DSCAML1: variants seen among roughly 807,000 people sequenced by gnomAD.
The protein encoded by DSCAML1 is cell adhesion molecule DSCAML1.
A neutral mutation model predicts 200.5 loss-of-function variants in DSCAML1; 38 were observed. That is an observed-to-expected ratio of 0.19 (90% CI 0.15 to 0.25). DSCAML1 has a LOEUF of 0.25. DSCAML1 is among the 10% of genes least tolerant of loss of function. The pLI is 1.00. For missense variants in DSCAML1, 2,223 were observed against 2,858.8 expected, an observed-to-expected ratio of 0.78 and a Z score of 5.07; for synonymous variants, 1,215 against 1,165.0, an observed-to-expected ratio of 1.04 and a Z score of -0.87.
intron 3 of DSCAML1, among the ~76,000 whole-genome samples, chr11:117,610,846 C>CG (rs1227046993): frequency 6.7e-6 from 1 of 148,964 alleles, no homozygotes; most frequent in African/African-American, 2.5e-5. Context: ...AACAACCCCC[C>CG]CCCCCCACAA....
intron 3 of DSCAML1, among the ~76,000 whole-genome samples, chr11:117,560,288 A>C (rs1444036025): frequency 1.3e-5 from 2 of 152,150 alleles, no homozygotes; most frequent in East Asian, 3.9e-4. Context: ...TTTAATCAGC[A>C]CAGCAACTTC....
chr11:117,746,050 T>TA (rs879883699), intron 3 of DSCAML1, among the ~76,000 whole-genome samples: 1,628 of 139,708 alleles, frequency 0.012, 26 homozygotes, highest in African/African-American at 0.036. Flanking sequence ...CTGTCTCTAC[T>TA]AAAAAAAAAA....
chr11:117,769,222 TTGTATATATTA>T (rs2054964072), intron 3 of DSCAML1, among the ~76,000 whole-genome samples: 2 of 28,716 alleles, frequency 7.0e-5, no homozygotes, highest in Non-Finnish European at 1.9e-4. Context: ...TTTATATATA[TTGTATATATTA>T]TATATTTTAT....
chr11:117,438,634 T>A (rs1442124382), intron 24 of DSCAML1, among the ~76,000 whole-genome samples: 1 of 152,066 alleles, frequency 6.6e-6, no homozygotes, highest in Non-Finnish European at 1.5e-5. Context: ...AAACCCAGAC[T>A]CAGAGAGGGA....
rs1366642307 is a variant in DSCAML1 at position 117,480,319 on chromosome 11, G to T, written c.2785+124C>A. The T allele has an allele frequency of 1.4e-6, 2 of 1,421,688 alleles. No homozygotes were observed. The highest frequency in any genetic ancestry group is 1.4e-5 in the African/African-American group (1 of 70,850). 88.1% of individuals were successfully genotyped at this position (1,421,688 alleles called of 1,614,324 possible). ...GCTGCTTGTGCACTGGTGGGTGCTT[G>T]TGTGTCTAGCTTGGATGGGCAGCCC... On this transcript the variant is annotated intron_variant, in intron 14 of 32. Coordinates refer to ENST00000651296, the MANE Select transcript of DSCAML1 (RefSeq NM_020693.4). The surrounding 1 kb of genome is among the most constrained non-coding windows in gnomAD (Gnocchi z 4.1).
At chr11:117,468,403 G>A (rs1451302664) in intron 16 of DSCAML1, among the ~76,000 whole-genome samples, 3 of 152,014 alleles carry the variant, frequency 2.0e-5, no homozygotes, top group African/African-American at 4.8e-5. Context: ...TTTTCATTAT[G>A]AGACTTTGGA....
rs2048898355 is a variant in DSCAML1, at chr11:117,480,762, T to G, written c.2657-191A>C. On this transcript the variant is annotated intron_variant, in intron 13 of 32. Coordinates refer to ENST00000651296, the MANE Select transcript of DSCAML1 (RefSeq NM_020693.4). The surrounding 1 kb of genome is among the most constrained non-coding windows in gnomAD (Gnocchi z 4.1). ...TGAGGAGGCCTGGCTTGCTCTCCTG[T>G]CTTGCTGCCATCTTGTTCTTGGCCT... Among the ~76,000 whole-genome samples the G allele has an allele frequency of 6.6e-6, 1 of 152,086 alleles. No homozygotes were observed. The highest frequency in any genetic ancestry group is 1.5e-5 in the Non-Finnish European group (1 of 67,990).
intron 3 of DSCAML1, among the ~76,000 whole-genome samples, chr11:117,543,314 CACTGGCTTGTGAACCTGT>C (rs1329159664): frequency 1.3e-5 from 2 of 152,080 alleles, no homozygotes; most frequent in Non-Finnish European, 2.9e-5. Flanking sequence ...TGTGTACCTG[CACTGGCTTGTGAACCTGT>C]GCTCGTGTGT....
At chr11:117,490,792 G>T (rs1208223079) in intron 11 of DSCAML1, among the ~76,000 whole-genome samples, 1 of 152,234 alleles carries the variant, frequency 6.6e-6, no homozygotes, top group Non-Finnish European at 1.5e-5. Flanking sequence ...GCCTTCTCCT[G>T]TGTAGGTTTT....
chr11:117,478,861 A>G (rs547602599), intron 14 of DSCAML1, among the ~76,000 whole-genome samples: 7 of 151,990 alleles, frequency 4.6e-5, no homozygotes, highest in African/African-American at 1.7e-4. Context: ...TTCCTGGACA[A>G]CCCCTGTTGG....
At chr11:117,628,067 T>G (rs1449320153) in intron 3 of DSCAML1, among the ~76,000 whole-genome samples, 2 of 152,198 alleles carry the variant, frequency 1.3e-5, no homozygotes, top group East Asian at 3.9e-4. Context: ...ACACATTGCA[T>G]TTCAACCTTA....
intron 3 of DSCAML1, among the ~76,000 whole-genome samples, chr11:117,582,684 AG>A (rs1203757522): frequency 6.6e-6 from 1 of 152,140 alleles, no homozygotes; most frequent in East Asian, 1.9e-4. Context: ...GAATATCCGC[AG>A]GGCCCTGCCA....
chr11:117,651,888 A>G (rs1208926710), intron 3 of DSCAML1, among the ~76,000 whole-genome samples: 1 of 152,186 alleles, frequency 6.6e-6, no homozygotes, highest in Non-Finnish European at 1.5e-5. Context: ...TCAGGGAAAC[A>G]GCGGGGATGA....
At chr11:117,691,732 C>A (rs1591405310) in intron 3 of DSCAML1, among the ~76,000 whole-genome samples, 1 of 152,256 alleles carries the variant, frequency 6.6e-6, no homozygotes, top group South Asian at 2.1e-4. Flanking sequence ...ACTACATGTT[C>A]AGAAAAAGGA....
chr11:117,758,439 T>C (rs2054736640), intron 3 of DSCAML1, among the ~76,000 whole-genome samples: 4 of 151,964 alleles, frequency 2.6e-5, no homozygotes, highest in Admixed American at 2.6e-4. Context: ...TCTCGCTCTG[T>C]TGCCCAGGCT....
rs545072073 is a variant in DSCAML1, at chr11:117,780,167, G to C, written c.364+326C>G. On this transcript the variant is annotated intron_variant, in intron 2 of 32. Coordinates refer to ENST00000651296, the MANE Select transcript of DSCAML1 (RefSeq NM_020693.4). This position sits in a 1 kb window ranked among gnomAD's most constrained non-coding sequence, Gnocchi z 4.8. ...AGAGAGAGAGAGAGAGAGAAAGAAA[G>C]AAAGAAAAAAAGAAAAAAAGAAAGA... Among the ~76,000 whole-genome samples, 1 of 118,966 alleles carries C rather than the reference G, an allele frequency of 8.4e-6. No individual in the cohort carries two copies. Among genetic ancestry groups the C allele is most frequent in the African/African-American group, 3.2e-5 (1 of 30,874 alleles). 78.0% of individuals were successfully genotyped at this position (118,966 alleles called of 152,430 possible).
chr11:117,574,652 C>T (rs1184443102), intron 3 of DSCAML1, among the ~76,000 whole-genome samples: 1 of 152,160 alleles, frequency 6.6e-6, no homozygotes, highest in Non-Finnish European at 1.5e-5. Flanking sequence ...CTGGCACTCC[C>T]TACCTCTCAA....
chr11:117,479,937 T>C (rs559792159), intron 14 of DSCAML1, among the ~76,000 whole-genome samples: 1 of 152,246 alleles, frequency 6.6e-6, no homozygotes, highest in East Asian at 1.9e-4. Flanking sequence ...TATGAGCCAC[T>C]GCGCCCAGCT....
intron 3 of DSCAML1, among the ~76,000 whole-genome samples, chr11:117,727,806 G>A (rs547825437): frequency 3.9e-5 from 6 of 152,308 alleles, no homozygotes; most frequent in Middle Eastern, 3.4e-3. Context: ...CTGGGGAGCT[G>A]TTGAGTAGAG....
Sources: gnomAD v4.1 joint callset for allele counts (sites outside exome capture counted in the v4.1 genomes callset) on GRCh38, gnomAD v4.1.1 for gene constraint, Gnocchi (gnomAD v3.1) non-coding constraint, MANE v1.5 for transcripts, NCBI Gene and HGNC (gene_info 2026-07-23, HGNC 2026-07-21) for gene names.